The following CRKL variants were observed in gnomAD, a reference collection of about 807,000 sequenced individuals.
CRKL encodes CRK like proto-oncogene, adaptor protein.
Under a neutral mutation model 23.0 loss-of-function variants are expected in CRKL, and 3 were observed. The observed-to-expected ratio is 0.13, with a 90% CI of 0.06 to 0.34. The LOEUF (loss-of-function observed/expected upper bound fraction) is 0.34. Ranked by LOEUF, CRKL falls within the 10% of genes least tolerant of loss-of-function variation. The pLI is 1.00. For missense variants in CRKL, 256 were observed against 394.5 expected (o/e 0.65, Z 2.97); for synonymous variants, 188 against 160.7 (o/e 1.17, Z -1.28).
chr22:20,921,676 C>G (rs1920997505), intron 1 of CRKL, among the ~76,000 whole-genome samples: 1 of 151,964 alleles, frequency 6.6e-6, no homozygotes, highest in Non-Finnish European at 1.5e-5. Context: ...GTGAGAAAGT[C>G]CATTGTGTTG....
At chr22:20,940,901 A>C (rs1445342917) in intron 2 of CRKL, among the ~76,000 whole-genome samples, 1 of 151,938 alleles carries the variant, frequency 6.6e-6, no homozygotes, top group Non-Finnish European at 1.5e-5. Context: ...CATTTTCTTC[A>C]TTGCTGCATC....
At chr22:20,944,553 C>T (rs1478310282) in intron 2 of CRKL, among the ~76,000 whole-genome samples, 5 of 151,274 alleles carry the variant, frequency 3.3e-5, no homozygotes, top group Admixed American at 1.3e-4. Context: ...TACAGACATG[C>T]GCCACCATGC....
chr22:20,953,357 C>T lies in CRKL; in HGVS notation c.*3512C>T. The stretch of plus-strand genomic sequence containing the variant: ...GGAGCAGAAGGACAGGTCTCTGAGA[C>T]AGGATCGTTGTCCCTACAGGAGGAA... On this transcript the variant is annotated 3_prime_UTR_variant, in exon 3 of 3. Coordinates refer to ENST00000354336, the MANE Select transcript of CRKL (RefSeq NM_005207.4). 1 of 231,168 alleles carries T rather than the reference C, an allele frequency of 4.3e-6. No homozygotes were observed. Among genetic ancestry groups the T allele is most frequent in the East Asian group, 6.2e-5 (1 of 16,176 alleles). The allele number at this position is 231,168 out of a possible 1,614,324, so 14.3% of individuals were successfully genotyped here.
At chr22:20,918,940 G>A (rs937462208) in intron 1 of CRKL, among the ~76,000 whole-genome samples, 2 of 151,150 alleles carry the variant, frequency 1.3e-5, no homozygotes, top group Non-Finnish European at 3.0e-5. Flanking sequence ...AGATAGCCGA[G>A]CACTCACCAC....
intron 2 of CRKL, among the ~76,000 whole-genome samples, chr22:20,938,430 G>A (rs1921743036): frequency 6.6e-6 from 1 of 152,210 alleles, no homozygotes; most frequent in Admixed American, 6.5e-5. Flanking sequence ...TGTGTGATGA[G>A]ACTAACGTCA....
intron 1 of CRKL, among the ~76,000 whole-genome samples, chr22:20,928,747 A>G (rs1412926551): frequency 1.5e-5 from 2 of 137,082 alleles, no homozygotes; most frequent in Non-Finnish European, 3.0e-5. Flanking sequence ...TTGGAGGTTG[A>G]GGCTGCAATG....
At chr22:20,940,180 T>C (rs1280522090) in intron 2 of CRKL, among the ~76,000 whole-genome samples, 1 of 152,124 alleles carries the variant, frequency 6.6e-6, no homozygotes, top group Non-Finnish European at 1.5e-5. Flanking sequence ...CACCAACAGA[T>C]CTTTGTACTA....
intron 1 of CRKL, among the ~76,000 whole-genome samples, chr22:20,919,343 T>C (rs1426302956): frequency 6.6e-6 from 1 of 152,160 alleles, no homozygotes; most frequent in Non-Finnish European, 1.5e-5. Flanking sequence ...AAGGTGGAAT[T>C]AGGCTAGAAT....
Position 20,917,823 on chromosome 22 carries a change from A to C in CRKL, c.-112A>C. 9.7e-7 allele frequency: 1 copy of C among 1,033,946 alleles called. No homozygotes were observed. The highest frequency in any genetic ancestry group is 1.4e-6 in the Non-Finnish European group (1 of 721,172). 64.0% of individuals were successfully genotyped at this position (1,033,946 alleles called of 1,614,324 possible). A position where few individuals can be genotyped will look rare whatever the true frequency, so the allele number is the denominator to read the frequency against. ...GGCCCAGCCCTCTGAGCGCTCCTCGAGGTGTGCGAGAGGCCCTTCCTCGGC... is the reference window on the plus strand; with the variant it reads ...GGCCCAGCCCTCTGAGCGCTCCTCGCGGTGTGCGAGAGGCCCTTCCTCGGC... On this transcript the variant is annotated 5_prime_UTR_variant, in exon 1 of 3. Transcript: ENST00000354336.
At chr22:20,919,122 C>CA (rs1017072727) in intron 1 of CRKL, among the ~76,000 whole-genome samples, 1 of 151,922 alleles carries the variant, frequency 6.6e-6, no homozygotes, top group Non-Finnish European at 1.5e-5. Context: ...CGTTTAGAAA[C>CA]AAAAAAACCT....
chr22:20,944,531 A>G (rs770017089), intron 2 of CRKL, among the ~76,000 whole-genome samples: 1 of 152,026 alleles, frequency 6.6e-6, no homozygotes, highest in Non-Finnish European at 1.5e-5. Context: ...CAGCCTCCCA[A>G]GTAGCTGGGA....
At chr22:20,947,285 C>G (rs549898449) in intron 2 of CRKL, among the ~76,000 whole-genome samples, 3 of 151,870 alleles carry the variant, frequency 2.0e-5, no homozygotes, top group African/African-American at 7.2e-5. Flanking sequence ...CTATGTCACC[C>G]AGGCTGGTCT....
At chr22:20,919,464 A>T (rs1453971599) in intron 1 of CRKL, among the ~76,000 whole-genome samples, 4 of 152,204 alleles carry the variant, frequency 2.6e-5, no homozygotes, top group African/African-American at 7.2e-5. Flanking sequence ...AAATTAACGC[A>T]AAGTGACCAA....
Position 20,917,909 on chromosome 22 carries a change from C to G in CRKL, c.-26C>G. 2 of 1,602,742 alleles carry G rather than the reference C, an allele frequency of 1.2e-6. No homozygotes were observed. Among genetic ancestry groups the G allele is most frequent in the African/African-American group, 1.3e-5 (1 of 74,726 alleles). On this transcript the variant is annotated 5_prime_UTR_variant, in exon 1 of 3. Transcript: ENST00000354336. ...AGGCGAGGACAGCCGCCGCCCCTAC[C>G]GCCGCAGAGTCCCCGGTCCAACACC...
At chr22:20,921,613 A>G (rs1027897671) in intron 1 of CRKL, among the ~76,000 whole-genome samples, 2 of 152,066 alleles carry the variant, frequency 1.3e-5, no homozygotes, top group African/African-American at 4.8e-5. Context: ...TTGGCCTGAG[A>G]GGAGGAGAAG....
intron 2 of CRKL, among the ~76,000 whole-genome samples, chr22:20,935,006 G>A (rs901440987): frequency 6.6e-6 from 1 of 151,906 alleles, no homozygotes; most frequent in Non-Finnish European, 1.5e-5. Flanking sequence ...AGTAGAGACA[G>A]GGTTTCACCG....
chr22:20,936,804 T>C (rs1177048952), intron 2 of CRKL, among the ~76,000 whole-genome samples: 2 of 151,784 alleles, frequency 1.3e-5, no homozygotes, highest in Non-Finnish European at 2.9e-5. Flanking sequence ...AGGCTCCAGG[T>C]CTCAGGAGGC....
intron 1 of CRKL, among the ~76,000 whole-genome samples, chr22:20,924,055 C>T (rs1287653049): frequency 6.6e-6 from 1 of 152,080 alleles, no homozygotes; most frequent in Non-Finnish European, 1.5e-5. Context: ...AGCATGGTGT[C>T]ATGCGCCTTT....
intron 1 of CRKL, among the ~76,000 whole-genome samples, chr22:20,928,212 G>A (rs186255826): frequency 6.6e-6 from 1 of 150,970 alleles, no homozygotes; most frequent in East Asian, 2.0e-4. Flanking sequence ...GTCCCAAATA[G>A]TGGGGAGGCT....
Sources: allele counts gnomAD v4.1 joint callset (sites outside exome capture counted in the v4.1 genomes callset), GRCh38; gene constraint gnomAD v4.1.1; transcripts MANE v1.5; gene names NCBI Gene and HGNC (gene_info 2026-07-23, HGNC 2026-07-21).